CDH18: variants seen among roughly 807,000 people sequenced by gnomAD.
CDH18 encodes cadherin-18.
In CDH18, 31 loss-of-function variants were observed where a neutral mutation model predicts 67.9. The observed-to-expected ratio is 0.46, with a 90% CI of 0.34 to 0.62. CDH18 has a LOEUF of 0.62. Among genes scored for constraint, CDH18 ranks in the 20% least tolerant of loss-of-function variants. CDH18 has a pLI of 0.01. For missense variants in CDH18, 890 were observed against 975.5 expected (o/e 0.91, Z 1.17); for synonymous variants, 362 against 347.2 (o/e 1.04, Z -0.48).
chr5:19,476,518 T>G (rs1322867963), intron 12 of CDH18, among the ~76,000 whole-genome samples: 1 of 152,064 alleles, frequency 6.6e-6, no homozygotes, highest in Admixed American at 6.6e-5. Flanking sequence ...TAAATCCACC[T>G]TACAGTTTTC....
intron 1 of CDH18, among the ~76,000 whole-genome samples, chr5:20,535,665 C>T (rs1049486989): frequency 7.2e-5 from 11 of 152,180 alleles, no homozygotes; most frequent in South Asian, 2.1e-4. Context: ...TTCTCCCTCC[C>T]GGCTGCTGGG....
At chr5:19,724,809 C>T (rs536272545) in intron 4 of CDH18, among the ~76,000 whole-genome samples, 60 of 152,220 alleles carry the variant, frequency 3.9e-4, no homozygotes, top group African/African-American at 1.3e-3. Flanking sequence ...CTCAATATAC[C>T]GCTAACCTTT....
chr5:19,716,657 T>C (rs1381487692), intron 5 of CDH18, among the ~76,000 whole-genome samples: 1 of 151,946 alleles, frequency 6.6e-6, no homozygotes, highest in Non-Finnish European at 1.5e-5. Context: ...GACAAAATAT[T>C]TGAAGTTCAA....
chr5:19,850,122 T>C (rs75458801), intron 2 of CDH18, among the ~76,000 whole-genome samples: 2 of 151,958 alleles, frequency 1.3e-5, no homozygotes, highest in East Asian at 1.9e-4. Flanking sequence ...ATTTAAGTCA[T>C]AGATAGAATT....
chr5:19,525,589 G>A (rs2126940093), intron 9 of CDH18, among the ~76,000 whole-genome samples: 1 of 152,280 alleles, frequency 6.6e-6, no homozygotes, highest in East Asian at 1.9e-4. Context: ...AATAACTGCT[G>A]TCTGTTACTA....
chr5:20,518,076 G>A (rs1488229666), intron 1 of CDH18, among the ~76,000 whole-genome samples: 1 of 151,954 alleles, frequency 6.6e-6, no homozygotes, highest in Non-Finnish European at 1.5e-5. Context: ...TCTAATCAGA[G>A]AGTGGGGAAA....
intron 3 of CDH18, among the ~76,000 whole-genome samples, chr5:19,821,863 A>G (rs577243566): frequency 6.6e-6 from 1 of 152,324 alleles, no homozygotes; most frequent in East Asian, 1.9e-4. Context: ...CCAGCAAATT[A>G]AGCTTCATAA....
intron 2 of CDH18, among the ~76,000 whole-genome samples, chr5:20,174,970 A>G (rs1737117456): frequency 6.6e-6 from 1 of 152,196 alleles, no homozygotes; most frequent in African/African-American, 2.4e-5. Flanking sequence ...CTAGAAAAGC[A>G]ATGAGAAATC....
intron 1 of CDH18, among the ~76,000 whole-genome samples, chr5:20,461,192 A>G (rs1044624668): frequency 6.6e-6 from 1 of 152,166 alleles, no homozygotes; most frequent in Non-Finnish European, 1.5e-5. Context: ...GTTTCCTCAG[A>G]GCATGAGCGT....
At chr5:19,881,120 A>C (rs1787592166) in intron 2 of CDH18, among the ~76,000 whole-genome samples, 1 of 152,204 alleles carries the variant, frequency 6.6e-6, no homozygotes, top group Non-Finnish European at 1.5e-5. Flanking sequence ...CATATTATGA[A>C]GGGATATGTA....
At chr5:19,799,457 CACA>C (rs1777211924) in intron 3 of CDH18, among the ~76,000 whole-genome samples, 1 of 149,920 alleles carries the variant, frequency 6.7e-6, no homozygotes, top group Non-Finnish European at 1.5e-5. Flanking sequence ...CACACACACA[CACA>C]CACACACACA....
intron 1 of CDH18, among the ~76,000 whole-genome samples, chr5:20,333,706 G>A (rs1306553151): frequency 6.6e-6 from 1 of 151,954 alleles, no homozygotes; most frequent in African/African-American, 2.4e-5. Context: ...AACCGGCATC[G>A]ATTGTGCTAT....
intron 6 of CDH18, among the ~76,000 whole-genome samples, chr5:19,592,709 A>T (rs1459669624): frequency 6.6e-6 from 1 of 152,156 alleles, no homozygotes; most frequent in East Asian, 1.9e-4. Context: ...TCCGATAAAC[A>T]AATTTCTACA....
intron 2 of CDH18, among the ~76,000 whole-genome samples, chr5:20,253,073 G>A (rs771266414): frequency 2.2e-4 from 34 of 152,096 alleles, no homozygotes; most frequent in Non-Finnish European, 3.5e-4. Context: ...CTCATGCAGC[G>A]GGGTCGTAGC....
At chr5:20,156,419 T>A (rs1347421889) in intron 2 of CDH18, among the ~76,000 whole-genome samples, 1 of 152,138 alleles carries the variant, frequency 6.6e-6, no homozygotes. Flanking sequence ...TGAAATAATG[T>A]TCTTTGCAAC....
At chr5:20,042,906 G>A (rs1740567274) in intron 2 of CDH18, among the ~76,000 whole-genome samples, 1 of 151,914 alleles carries the variant, frequency 6.6e-6, no homozygotes, top group South Asian at 2.1e-4. Flanking sequence ...AGCTTGCAGT[G>A]AGCCAAGATC....
At chr5:19,729,564 G>C (rs972797873) in intron 4 of CDH18, among the ~76,000 whole-genome samples, 1 of 152,090 alleles carries the variant, frequency 6.6e-6, no homozygotes, top group African/African-American at 2.4e-5. Context: ...GCATCTACTT[G>C]GGCAGAAGAA....
At chr5:20,250,499 G>T (rs903146112) in intron 2 of CDH18, among the ~76,000 whole-genome samples, 1 of 148,680 alleles carries the variant, frequency 6.7e-6, no homozygotes, top group African/African-American at 2.5e-5. Context: ...CACCTTGTTG[G>T]CCAGGATGGT....
chr5:19,590,484 G>GGATAGATAGATA (rs145201697), intron 7 of CDH18, among the ~76,000 whole-genome samples: 18,527 of 149,624 alleles, frequency 0.12, 1,308 homozygotes, highest in Non-Finnish European at 0.16. Flanking sequence ...CTAGACAGAT[G>GGATAGATAGATA]GATAGATAGA....
Sources: gnomAD v4.1 joint callset for allele counts (sites outside exome capture counted in the v4.1 genomes callset) on GRCh38, gnomAD v4.1.1 for gene constraint, MANE v1.5 for transcripts, NCBI Gene and HGNC (gene_info 2026-07-23, HGNC 2026-07-21) for gene names.